HFM1: variants seen among roughly 807,000 people sequenced by gnomAD.
HFM1 encodes helicase for meiosis 1, also known as probable ATP-dependent DNA helicase HFM1.
Under a neutral mutation model 192.1 loss-of-function variants are expected in HFM1, and 169 were observed. The observed-to-expected ratio is 0.88, with a 90% CI of 0.78 to 1.00. The LOEUF is 1.00. Ranked by LOEUF, HFM1 falls within the 50% of genes least tolerant of loss-of-function variation. The pLI is 0.00. For synonymous variants in HFM1, 525 were observed against 537.8 expected, an observed-to-expected ratio of 0.98 and a Z score of 0.33; for missense variants, 1,661 against 1,668.0, an observed-to-expected ratio of 1.00 and a Z score of 0.07.
intron 30 of HFM1, among the ~76,000 whole-genome samples, chr1:91,278,746 T>C (rs903926183): frequency 1.3e-5 from 2 of 152,082 alleles, no homozygotes; most frequent in Non-Finnish European, 2.9e-5. Flanking sequence ...GATCAATGTA[T>C]TGGGTACTGA....
At chr1:91,319,808 T>C (rs541629778) in intron 23 of HFM1, among the ~76,000 whole-genome samples, 46 of 152,200 alleles carry the variant, frequency 3.0e-4, no homozygotes, top group Non-Finnish European at 5.9e-4. Flanking sequence ...TTCAAAGAAT[T>C]AGAGAAAAAT....
At chr1:91,328,574 T>C in intron 20 of HFM1, 2 of 1,610,754 alleles carry the variant, frequency 1.2e-6, no homozygotes, top group Non-Finnish European at 1.7e-6. Context: ...AGCCACCTGA[T>C]AGGCATGTTC....
intron 30 of HFM1, among the ~76,000 whole-genome samples, chr1:91,277,943 T>C (rs2100796072): frequency 1.9e-5 from 2 of 107,390 alleles, no homozygotes; most frequent in African/African-American, 6.8e-5. Flanking sequence ...ATACTTTATA[T>C]ATTATATTTT....
At chr1:91,264,795 A>C (rs1417247179) in intron 36 of HFM1, among the ~76,000 whole-genome samples, 1 of 152,110 alleles carries the variant, frequency 6.6e-6, no homozygotes, top group Non-Finnish European at 1.5e-5. Context: ...TTGACTTCTA[A>C]TCAAGTCCAG....
Position 91,343,316 on chromosome 1 carries a change from T to C in HFM1, c.2335+114A>G, listed in dbSNP as rs529353038. Reference sequence around the variant, plus strand: ...ATGGCTAATAATGATGATACCCTGTTGAGAACTGAGATCACAATTTAGTTT... The same window carrying C: ...ATGGCTAATAATGATGATACCCTGTCGAGAACTGAGATCACAATTTAGTTT... On this transcript the variant is annotated intron_variant, in intron 20 of 38. Transcript: ENST00000370425. The C allele has an allele frequency of 7.4e-6, 4 of 537,570 alleles. No homozygotes were observed. In the East Asian group the frequency reaches 1.4e-4, roughly 19 times the overall value. 33.3% of individuals were successfully genotyped at this position (537,570 alleles called of 1,614,324 possible).
chr1:91,306,865 T>C (rs1649680889), intron 30 of HFM1, among the ~76,000 whole-genome samples: 1 of 152,204 alleles, frequency 6.6e-6, no homozygotes. Context: ...ATTTCATTAC[T>C]AGTATCAGAC....
At chr1:91,380,526 G>A (rs1045427331) in intron 7 of HFM1, among the ~76,000 whole-genome samples, 1 of 152,092 alleles carries the variant, frequency 6.6e-6, no homozygotes, top group East Asian at 1.9e-4. Context: ...AGCCAAGGAA[G>A]GCAGATCACT....
rs368428379 is a variant in HFM1 at position 91,351,592 on chromosome 1, T to C, written c.2029A>G (p.Lys677Glu). The change falls in exon 17 of 39, where the codon AAG becomes GAG. Residue 677 changes from lysine (K) to glutamate (E), a missense_variant. Lys to Glu is a moderately conservative substitution (Grantham distance 56, BLOSUM62 1). Transcript: ENST00000370425. ...CTACAAGCTAACATCTGAATGTACT[T>C]GTCCCTTGTGCTTAATCGAGTCATG... ...VIMTRLSTRD[K>E]YIQMLACRDT... The C allele has an allele frequency of 1.4e-5, 22 of 1,603,540 alleles. No individual in the cohort carries two copies. Among genetic ancestry groups the C allele is most frequent in the Non-Finnish European group, 1.8e-5 (21 of 1,174,558 alleles).
In HFM1 at chr1:91,276,982, A is replaced by G. The variant is rs759482816; in HGVS notation, c.3472T>C (p.Cys1158Arg). ...KSKHTCGHDC[C>R]KIGVAQKSEI... ...AATAAACTTGTTTTAAGGAACTCAC[A>G]GCAGTCATGTCCACATGTATGTTTA... The change falls in exon 31 of 39, where the codon TGT (cysteine) becomes CGT (arginine). Residue 1158 changes from cysteine (C) to arginine (R), a missense_variant and splice_region_variant. Physicochemically the swap from Cys to Arg is radical, Grantham distance 180. Coordinates refer to ENST00000370425, the MANE Select transcript of HFM1 (RefSeq NM_001017975.6). The G allele has an allele frequency of 8.9e-6, 14 of 1,567,500 alleles. No homozygotes were observed. Among genetic ancestry groups the G allele is most frequent in the Middle Eastern group, 3.4e-4 (2 of 5,934 alleles).
intron 13 of HFM1, among the ~76,000 whole-genome samples, chr1:91,353,847 G>C (rs1325477412): frequency 6.7e-6 from 1 of 150,298 alleles, no homozygotes; most frequent in Non-Finnish European, 1.5e-5. Flanking sequence ...CTAAAGGAAA[G>C]TGCCTCTCTA....
intron 1 of HFM1, among the ~76,000 whole-genome samples, chr1:91,403,472 T>G (rs1664522405): frequency 6.6e-6 from 1 of 152,198 alleles, no homozygotes; most frequent in East Asian, 1.9e-4. Context: ...TGTAAATCTT[T>G]TTTTAAAAAA....
chr1:91,305,578 T>C (rs1441404340), intron 30 of HFM1, among the ~76,000 whole-genome samples: 2 of 151,804 alleles, frequency 1.3e-5, no homozygotes, highest in South Asian at 2.1e-4. Context: ...TTTTTTTTTC[T>C]TTTTTTTGAG....
At chr1:91,392,650 C>T (rs282011) in intron 4 of HFM1, among the ~76,000 whole-genome samples, 55,000 of 151,846 alleles carry the variant, frequency 0.36, 10,590 homozygotes, top group East Asian at 0.52. Flanking sequence ...ATGTAAATGA[C>T]GAGTTAATGG....
At chr1:91,338,613 C>T (rs1353323400) in intron 20 of HFM1, among the ~76,000 whole-genome samples, 1 of 152,176 alleles carries the variant, frequency 6.6e-6, no homozygotes, top group African/African-American at 2.4e-5. Flanking sequence ...TGCAGCCTCC[C>T]CCAACCACTC....
chr1:91,370,009 T>A (rs1254207415), intron 13 of HFM1, among the ~76,000 whole-genome samples: 1 of 151,980 alleles, frequency 6.6e-6, no homozygotes, highest in East Asian at 1.9e-4. Context: ...GATAAATTCC[T>A]CAACACATAC....
At chr1:91,362,389 T>A (rs1049934149) in intron 13 of HFM1, among the ~76,000 whole-genome samples, 1 of 152,156 alleles carries the variant, frequency 6.6e-6, no homozygotes, top group Non-Finnish European at 1.5e-5. Context: ...AGCATTCCTA[T>A]ACACCAACAA....
intron 13 of HFM1, among the ~76,000 whole-genome samples, chr1:91,360,581 C>T (rs1658361351): frequency 6.6e-6 from 1 of 152,058 alleles, no homozygotes; most frequent in African/African-American, 2.4e-5. Context: ...ACTCAGACTC[C>T]CAGACAATAA....
At position 91,353,294 on chromosome 1, in the gene HFM1, T is replaced by C. The variant is rs756823711; in HGVS notation, c.1691A>G (p.Gln564Arg). Reference protein sequence around the residue: ...IMTVEQKQRLQKYAYSVRDSK... With the variant: ...IMTVEQKQRLRKYAYSVRDSK... ...ATCTCTTACGGAATATGCATACTTC[T>C]GTAACCTATTTAAAAATACCATAAA... The change falls in exon 14 of 39, where the codon CAG (glutamine) becomes CGG (arginine). Residue 564 changes from glutamine (Q) to arginine (R), a missense_variant. By Grantham distance (43) the Gln-to-Arg change is conservative. Transcript: ENST00000370425. The C allele has an allele frequency of 1.9e-6, 3 of 1,542,428 alleles. No homozygotes were observed. In the African/African-American group the frequency reaches 4.1e-5, roughly 21 times the overall value.
intron 34 of HFM1, among the ~76,000 whole-genome samples, chr1:91,272,804 C>A (rs1390630651): frequency 1.3e-5 from 2 of 151,722 alleles, no homozygotes; most frequent in Non-Finnish European, 2.9e-5. Context: ...AATACTCCAG[C>A]CCTTGACTCT....
Sources: allele counts gnomAD v4.1 joint callset (sites outside exome capture counted in the v4.1 genomes callset), GRCh38; gene constraint gnomAD v4.1.1; transcripts MANE v1.5; gene names NCBI Gene and HGNC (gene_info 2026-07-23, HGNC 2026-07-21).